The following NRXN3 variants were observed in gnomAD, a reference collection of about 807,000 sequenced individuals.
The protein encoded by NRXN3 is neurexin III.
In NRXN3, 32 loss-of-function variants were observed where a neutral mutation model predicts 137.6. That is an observed-to-expected ratio of 0.23 (90% confidence interval 0.18 to 0.31). The LOEUF is 0.31. Among genes scored for constraint, NRXN3 ranks in the 10% least tolerant of loss-of-function variants. NRXN3 has a pLI of 1.00. For synonymous variants in NRXN3, 798 were observed against 784.5 expected, an observed-to-expected ratio of 1.02 and a Z score of -0.29; for missense variants, 1,574 against 2,062.5, an observed-to-expected ratio of 0.76 and a Z score of 4.59.
At chr14:79,003,372 A>T (rs1005558929) in intron 15 of NRXN3, among the ~76,000 whole-genome samples, 2 of 152,184 alleles carry the variant, frequency 1.3e-5, no homozygotes, top group African/African-American at 4.8e-5. Context: ...ATATTAACTT[A>T]TTTTTAAATC....
At chr14:78,719,927 G>A (rs2098452059) in intron 8 of NRXN3, among the ~76,000 whole-genome samples, 1 of 152,086 alleles carries the variant, frequency 6.6e-6, no homozygotes, top group African/African-American at 2.4e-5. Context: ...TGGTAAATGA[G>A]GAATTGGAAG....
intron 4 of NRXN3, among the ~76,000 whole-genome samples, chr14:78,312,701 G>A (rs975537842): frequency 1.3e-5 from 2 of 151,856 alleles, no homozygotes; most frequent in Admixed American, 1.3e-4. Flanking sequence ...TAAGTTTAGT[G>A]CCCGTCCGTG....
At chr14:79,573,191 AG>A (rs375438800) in intron 16 of NRXN3, among the ~76,000 whole-genome samples, 1 of 152,318 alleles carries the variant, frequency 6.6e-6, no homozygotes, top group African/African-American at 2.4e-5. Context: ...TCAAATGCCT[AG>A]GAACAGAAGA....
At chr14:78,875,537 A>C (rs1317984307) in intron 10 of NRXN3, among the ~76,000 whole-genome samples, 3 of 152,196 alleles carry the variant, frequency 2.0e-5, no homozygotes, top group African/African-American at 7.2e-5. Flanking sequence ...AAATTATAGA[A>C]TATATGGTAC....
chr14:79,730,341 T>C (rs55712116), intron 19 of NRXN3, among the ~76,000 whole-genome samples: 80,293 of 151,978 alleles, frequency 0.53, 21,731 homozygotes, highest in Middle Eastern at 0.69. Context: ...CCCCTCCCAC[T>C]ACACAGGCCT....
intron 11 of NRXN3, among the ~76,000 whole-genome samples, chr14:78,965,521 C>T (rs150757552): frequency 8.5e-5 from 13 of 152,088 alleles, no homozygotes; most frequent in Non-Finnish European, 1.6e-4. Context: ...AGAAAAATTA[C>T]GTGTTATTAT....
intron 4 of NRXN3, among the ~76,000 whole-genome samples, chr14:78,566,821 A>T (rs2096840786): frequency 6.6e-6 from 1 of 152,140 alleles, no homozygotes; most frequent in Admixed American, 6.5e-5. Flanking sequence ...AATGCAGACC[A>T]AGTCCACAGT....
intron 4 of NRXN3, among the ~76,000 whole-genome samples, chr14:78,621,159 T>G (rs1032648006): frequency 2.0e-5 from 3 of 152,176 alleles, no homozygotes; most frequent in Admixed American, 6.5e-5. Flanking sequence ...TTGAGGGATA[T>G]TTTGATGAAG....
intron 4 of NRXN3, among the ~76,000 whole-genome samples, chr14:78,355,256 G>C (rs2084108620): frequency 6.6e-6 from 1 of 151,954 alleles, no homozygotes; most frequent in South Asian, 2.1e-4. Context: ...TGCCTATCTT[G>C]TTCCCTTATC....
intron 15 of NRXN3, among the ~76,000 whole-genome samples, chr14:79,397,991 A>T (rs566405987): frequency 2.0e-5 from 3 of 152,212 alleles, no homozygotes; most frequent in African/African-American, 4.8e-5. Flanking sequence ...ATGCAGTCTT[A>T]AAAAAGGACC....
At chr14:79,416,175 A>G (rs2095494100) in intron 15 of NRXN3, among the ~76,000 whole-genome samples, 1 of 152,118 alleles carries the variant, frequency 6.6e-6, no homozygotes. Context: ...TATTGCAAGG[A>G]GTCACAGAAT....
At chr14:78,420,018 A>G (rs1415914579) in intron 4 of NRXN3, among the ~76,000 whole-genome samples, 2 of 151,888 alleles carry the variant, frequency 1.3e-5, no homozygotes, top group Non-Finnish European at 2.9e-5. Flanking sequence ...ATAATAATAC[A>G]TAGTTTTTTG....
intron 16 of NRXN3, among the ~76,000 whole-genome samples, chr14:79,629,814 CGT>C (rs1567714148): frequency 1.1e-5 from 1 of 92,796 alleles, no homozygotes; most frequent in Non-Finnish European, 2.4e-5. Context: ...TGTGTATGTG[CGT>C]GTGTGTGTGC....
At chr14:78,426,480 A>G (rs1284045451) in intron 4 of NRXN3, among the ~76,000 whole-genome samples, 1 of 152,256 alleles carries the variant, frequency 6.6e-6, no homozygotes, top group Non-Finnish European at 1.5e-5. Context: ...AGAAGAGAAT[A>G]GCACACAAAA....
chr14:78,279,397 A>T (rs2074084973), intron 3 of NRXN3, among the ~76,000 whole-genome samples: 2 of 152,264 alleles, frequency 1.3e-5, no homozygotes, highest in Admixed American at 1.3e-4. Flanking sequence ...TTTATGGATA[A>T]GTGTCAGATG....
chr14:78,880,239 C>CAAAAAAAA, intron 10 of NRXN3, among the ~76,000 whole-genome samples: 1 of 45,274 alleles, frequency 2.2e-5, no homozygotes, highest in Non-Finnish European at 4.7e-5. Flanking sequence ...GACTCCGTCT[C>CAAAAAAAA]AAAAAAAAAA....
At chr14:79,075,404 G>A (rs2045799896) in intron 15 of NRXN3, among the ~76,000 whole-genome samples, 1 of 152,136 alleles carries the variant, frequency 6.6e-6, no homozygotes, top group Admixed American at 6.6e-5. Flanking sequence ...AAGGCAGTAG[G>A]ACATTGACAA....
chr14:78,959,392 T>C (rs1421636993), intron 11 of NRXN3, among the ~76,000 whole-genome samples: 1 of 152,208 alleles, frequency 6.6e-6, no homozygotes, highest in African/African-American at 2.4e-5. Flanking sequence ...CACAAAATCA[T>C]TCTGCTTGCT....
chr14:78,631,606 T>C (rs1403280569), intron 4 of NRXN3, among the ~76,000 whole-genome samples: 1 of 152,238 alleles, frequency 6.6e-6, no homozygotes, highest in African/African-American at 2.4e-5. Context: ...GAGTGTTCAT[T>C]TCAGAGAGGC....
Sources: allele counts gnomAD v4.1 joint callset (sites outside exome capture counted in the v4.1 genomes callset), GRCh38; gene constraint gnomAD v4.1.1; transcripts MANE v1.5; gene names NCBI Gene and HGNC (gene_info 2026-07-23, HGNC 2026-07-21).